Variants in ADGRL2 observed in about 807,000 individuals in gnomAD.
The protein encoded by ADGRL2 is calcium-independent alpha-latrotoxin receptor 2.
Under a neutral mutation model 157.4 loss-of-function variants are expected in ADGRL2, and 44 were observed. The observed-to-expected ratio is 0.28, with a 90% CI of 0.22 to 0.36. The LOEUF is 0.36. Ranked by LOEUF, ADGRL2 falls within the 10% of genes least tolerant of loss-of-function variation. The pLI, the probability that ADGRL2 is intolerant of heterozygous loss-of-function variation, is 1.00. For synonymous variants in ADGRL2, 585 were observed against 624.7 expected (o/e 0.94, Z 0.95); for missense variants, 1,510 against 1,768.9 (o/e 0.85, Z 2.63).
intron 2 of ADGRL2, among the ~76,000 whole-genome samples, chr1:81,519,427 AAT>A (rs1460779860): frequency 1.3e-5 from 2 of 152,322 alleles, no homozygotes; most frequent in East Asian, 3.9e-4. Flanking sequence ...TACTTCTAGG[AAT>A]ATACCCAAGA....
intron 2 of ADGRL2, among the ~76,000 whole-genome samples, chr1:81,839,943 AAT>A (rs1201008806): frequency 7.0e-6 from 1 of 142,220 alleles, no homozygotes; most frequent in African/African-American, 2.6e-5. Flanking sequence ...ATATATATAT[AAT>A]ATATATATAA....
intron 1 of ADGRL2, among the ~76,000 whole-genome samples, chr1:81,741,330 C>T (rs2085067086): frequency 6.6e-6 from 1 of 151,778 alleles, no homozygotes; most frequent in African/African-American, 2.4e-5. Flanking sequence ...ACCTACTGGG[C>T]AGTATATTTT....
chr1:81,661,768 A>G (rs1000584563), intron 3 of ADGRL2, among the ~76,000 whole-genome samples: 2 of 152,166 alleles, frequency 1.3e-5, no homozygotes, highest in Admixed American at 1.3e-4. Flanking sequence ...AAAAGCACCA[A>G]GTTTTGACAA....
intron 2 of ADGRL2, among the ~76,000 whole-genome samples, chr1:81,560,367 A>G (rs1350980651): frequency 1.3e-5 from 2 of 152,200 alleles, no homozygotes; most frequent in Non-Finnish European, 2.9e-5. Flanking sequence ...TAAAATAGGA[A>G]AACTATAGCC....
At chr1:81,393,835 CT>C (rs757631237) in intron 1 of ADGRL2, among the ~76,000 whole-genome samples, 2 of 87,980 alleles carry the variant, frequency 2.3e-5, no homozygotes, top group African/African-American at 8.3e-5. Flanking sequence ...TTTTTTTTTG[CT>C]TTTTTTTGCT....
intron 1 of ADGRL2, among the ~76,000 whole-genome samples, chr1:81,830,747 T>C (rs1341536994): frequency 2.6e-5 from 4 of 152,140 alleles, no homozygotes; most frequent in Non-Finnish European, 5.9e-5. Flanking sequence ...CCTCAGGTGA[T>C]CCACCCGCCT....
At chr1:81,502,663 A>T (rs1052749960) in intron 2 of ADGRL2, 6 of 1,613,914 alleles carry the variant, frequency 3.7e-6, no homozygotes, top group Non-Finnish European at 1.7e-6. Flanking sequence ...TCAGCTCAGG[A>T]CGCAGTACAT....
At chr1:81,466,701 T>A (rs1171322266) in intron 2 of ADGRL2, among the ~76,000 whole-genome samples, 2 of 151,530 alleles carry the variant, frequency 1.3e-5, no homozygotes, top group Non-Finnish European at 2.9e-5. Flanking sequence ...ACATACACAC[T>A]ATGTCTTTTT....
chr1:81,611,589 T>A (rs2148670774), intron 3 of ADGRL2, among the ~76,000 whole-genome samples: 1 of 152,328 alleles, frequency 6.6e-6, no homozygotes, highest in Admixed American at 6.5e-5. Flanking sequence ...AACAAAAATA[T>A]CTTCTCCTGA....
intron 1 of ADGRL2, among the ~76,000 whole-genome samples, chr1:81,745,538 A>G (rs1356945400): frequency 6.6e-6 from 1 of 152,182 alleles, no homozygotes; most frequent in Non-Finnish European, 1.5e-5. Context: ...AAATGGATCA[A>G]TGTACGAAAA....
At chr1:81,857,172 G>T (rs2093231119) in intron 2 of ADGRL2, among the ~76,000 whole-genome samples, 1 of 152,148 alleles carries the variant, frequency 6.6e-6, no homozygotes, top group East Asian at 1.9e-4. Context: ...CTTAGGCAGG[G>T]TTAAATGAAT....
intron 1 of ADGRL2, among the ~76,000 whole-genome samples, chr1:81,733,522 G>T (rs1459778752): frequency 6.6e-6 from 1 of 152,144 alleles, no homozygotes; most frequent in African/African-American, 2.4e-5. Context: ...GTTTATAAGG[G>T]TACCAGTCAG....
At chr1:81,508,973 G>A (rs538646525) in intron 2 of ADGRL2, among the ~76,000 whole-genome samples, 17 of 152,234 alleles carry the variant, frequency 1.1e-4, no homozygotes, top group African/African-American at 3.9e-4. Context: ...ATCTACTAAT[G>A]GAATGGTTCA....
intron 1 of ADGRL2, among the ~76,000 whole-genome samples, chr1:81,308,788 T>C (rs1273623082): frequency 6.6e-6 from 1 of 152,174 alleles, no homozygotes; most frequent in Non-Finnish European, 1.5e-5. Flanking sequence ...GTTTTACAAC[T>C]ATGCATCCAA....
At chr1:81,655,295 C>T (rs950262488) in intron 3 of ADGRL2, among the ~76,000 whole-genome samples, 39 of 152,248 alleles carry the variant, frequency 2.6e-4, no homozygotes, top group Middle Eastern at 3.4e-3. Flanking sequence ...CCACCGTGCC[C>T]GGCCTCATTC....
intron 2 of ADGRL2, among the ~76,000 whole-genome samples, chr1:81,459,851 C>T (rs2077889661): frequency 6.6e-6 from 1 of 150,808 alleles, no homozygotes; most frequent in Non-Finnish European, 1.5e-5. Context: ...CACATACACA[C>T]ACTAAGTAGC....
chr1:81,477,755 G>A (rs1352621721), intron 2 of ADGRL2, among the ~76,000 whole-genome samples: 1 of 152,138 alleles, frequency 6.6e-6, no homozygotes, highest in Non-Finnish European at 1.5e-5. Context: ...TGAAAACTTT[G>A]GTAACGAAAA....
At chr1:81,628,023 A>AT in intron 3 of ADGRL2, among the ~76,000 whole-genome samples, 1 of 152,124 alleles carries the variant, frequency 6.6e-6, no homozygotes, top group African/African-American at 2.4e-5. Flanking sequence ...CAATCACAGC[A>AT]TTTTTTGGAG....
intron 23 of ADGRL2, chr1:81,989,691 A>G: frequency 2.5e-6 from 4 of 1,611,132 alleles, no homozygotes; most frequent in East Asian, 4.5e-5. Flanking sequence ...GCAGACAGAC[A>G]TGATGTGAGT....
Sources: gnomAD v4.1 joint callset for allele counts (sites outside exome capture counted in the v4.1 genomes callset) on GRCh38, gnomAD v4.1.1 for gene constraint, MANE v1.5 for transcripts, NCBI Gene and HGNC (gene_info 2026-07-23, HGNC 2026-07-21) for gene names.